The following SLC4A5 variants were observed in gnomAD, a reference collection of about 807,000 sequenced individuals.
The protein encoded by SLC4A5 is solute carrier family 4 member 5.
SLC4A5 carries 96 observed loss-of-function variants against 120.4 expected under a neutral mutation model. The observed-to-expected ratio is 0.80, with a 90% confidence interval of 0.68 to 0.94. The LOEUF (loss-of-function observed/expected upper bound fraction) is 0.94. SLC4A5 is among the 40% of genes least tolerant of loss of function. The probability of loss-of-function intolerance (pLI) is 0.00; values close to 1 mark genes in which losing one functional copy is unlikely to be tolerated. For synonymous variants in SLC4A5, 550 were observed against 571.1 expected, an observed-to-expected ratio of 0.96 and a Z score of 0.53; for missense variants, 1,259 against 1,459.5, an observed-to-expected ratio of 0.86 and a Z score of 2.24.
chr2:74,321,634 A>C (rs1401818424), intron 5 of SLC4A5, among the ~76,000 whole-genome samples: 2 of 152,018 alleles, frequency 1.3e-5, no homozygotes, highest in African/African-American at 4.8e-5. Context: ...TGGGAAAATA[A>C]TATTGAGTCT....
At chr2:74,296,772 G>A (rs1672342932) in intron 7 of SLC4A5, among the ~76,000 whole-genome samples, 1 of 134,260 alleles carries the variant, frequency 7.4e-6, no homozygotes, top group Non-Finnish European at 1.5e-5. Context: ...GGGTGACGGA[G>A]CAAGACTCTG....
Position 74,248,337 on chromosome 2 carries a change from A to C in SLC4A5, c.1787+16T>G, listed in dbSNP as rs1002445454. The C allele has an allele frequency of 1.9e-6, 3 of 1,613,342 alleles. No individual in the cohort carries two copies. Among genetic ancestry groups the C allele is most frequent in the African/African-American group, 2.7e-5 (2 of 74,902 alleles). ...AATGCGAGAGCAGGCACTGGGGGCC[A>C]CCAAGGGACACCTACTTGCTGAAGT... On this transcript the variant is annotated intron_variant, in intron 18 of 30. Transcript: ENST00000394019.
intron 8 of SLC4A5, among the ~76,000 whole-genome samples, chr2:74,277,943 C>CA (rs551781904): frequency 6.6e-6 from 1 of 151,494 alleles, no homozygotes; most frequent in South Asian, 2.1e-4. Context: ...CAAAAGCAAA[C>CA]AAAAAAAGTG....
chr2:74,221,694 T>A (rs1482808998), intron 29 of SLC4A5, among the ~76,000 whole-genome samples, 193 bp from the exon 30 acceptor site: 2 of 152,154 alleles, frequency 1.3e-5, no homozygotes, highest in East Asian at 3.9e-4. Flanking sequence ...CAGCCAGGGC[T>A]AGGGGGTGTG....
intron 8 of SLC4A5, among the ~76,000 whole-genome samples, chr2:74,267,653 C>A (rs564707395): frequency 1.3e-5 from 2 of 152,252 alleles, no homozygotes; most frequent in Admixed American, 6.5e-5. Flanking sequence ...GTTGTTGGGG[C>A]GGGATTTAAG....
intron 8 of SLC4A5, among the ~76,000 whole-genome samples, chr2:74,281,359 A>AT (rs1671808365): frequency 6.6e-6 from 1 of 152,170 alleles, no homozygotes; most frequent in Non-Finnish European, 1.5e-5. Flanking sequence ...AACCCAGGTC[A>AT]TTCTCCTTCC....
chr2:74,220,166 T>A (rs763183607), intron 30 of SLC4A5, among the ~76,000 whole-genome samples: 1 of 152,192 alleles, frequency 6.6e-6, no homozygotes, highest in Non-Finnish European at 1.5e-5. Flanking sequence ...GTAAAGCCTT[T>A]CTTGCCTCTA....
At chr2:74,266,954 A>G (rs1007940648) in intron 8 of SLC4A5, among the ~76,000 whole-genome samples, 1 of 152,216 alleles carries the variant, frequency 6.6e-6, no homozygotes, top group African/African-American at 2.4e-5. Context: ...ACTAATATTT[A>G]TAACAATGCT....
At chr2:74,227,780 T>C in intron 26 of SLC4A5, 30 bp downstream of exon 26, 1 of 1,573,526 alleles carries the variant, frequency 6.4e-7, no homozygotes, top group South Asian at 1.2e-5. Context: ...TGACTCCAGA[T>C]CATGAAGGGA....
intron 18 of SLC4A5, 141 bp from the exon 19 acceptor site, chr2:74,247,448 G>A: frequency 1.2e-6 from 1 of 861,938 alleles, no homozygotes; most frequent in Non-Finnish European, 1.7e-6. Flanking sequence ...CTGGGGACAG[G>A]GACAATTCTT....
At chr2:74,320,246 T>C (rs1024601182) in intron 5 of SLC4A5, among the ~76,000 whole-genome samples, 1 of 152,050 alleles carries the variant, frequency 6.6e-6, no homozygotes, top group Non-Finnish European at 1.5e-5. Context: ...TGAAATAACA[T>C]GAGAATACCT....
At chr2:74,265,958 G>A (rs747703675) in intron 8 of SLC4A5, among the ~76,000 whole-genome samples, 17 of 152,130 alleles carry the variant, frequency 1.1e-4, no homozygotes, top group South Asian at 2.1e-4. Flanking sequence ...AGTCCTGGCC[G>A]GAGACACCTA....
In SLC4A5 at chr2:74,235,036, G is replaced by A. The variant is rs1390361445; in HGVS notation, c.2433+65C>T. The A allele has an allele frequency of 7.8e-6, 10 of 1,286,488 alleles. No individual in the cohort carries two copies. The Admixed American group carries it at 8.8e-5, about 11-fold the overall frequency. 79.7% of individuals were successfully genotyped at this position (1,286,488 alleles called of 1,614,324 possible). A position where few individuals can be genotyped will look rare whatever the true frequency, so the allele number is the denominator to read the frequency against. ...GAGAAGAGAGTTTGATCAGCACAGA[G>A]GGGAAAGAATCTGCAGCTGGTAGGC... On this transcript the variant is annotated intron_variant, in intron 22 of 30. Transcript: ENST00000394019.
rs1671270854 is a variant in SLC4A5, at chr2:74,265,380, T to G, written c.402-116A>C. The G allele has an allele frequency of 3.0e-5, 38 of 1,264,506 alleles. 1 individual carries two copies. The South Asian group carries it at 5.4e-4, about 18-fold the overall frequency. 78.3% of individuals were successfully genotyped at this position (1,264,506 alleles called of 1,614,324 possible). On this transcript the variant is annotated intron_variant, in intron 8 of 30. Transcript: ENST00000394019. ...TCATGCTATGTATGTGGTTGTGGTG[T>G]TGGTCCCAGACTCACAGGCAGAGGA... is the stretch of plus-strand genomic sequence containing the variant.
In SLC4A5 at chr2:74,221,418, A is replaced by G. The variant is rs372899731; in HGVS notation, c.*33+16T>C. On this transcript the variant is annotated intron_variant, in intron 30 of 30. Coordinates refer to ENST00000394019, the Ensembl canonical transcript of SLC4A5. ...CTCTTACCTAATACGCAAGGAGTCT[A>G]CCTAACAGTGTTTACCTTCGGTCAA... is the stretch of plus-strand genomic sequence containing the variant. 23 of 1,587,810 alleles carry G rather than the reference A, an allele frequency of 1.4e-5. 3 individuals are homozygous for G. Among genetic ancestry groups the G allele is most frequent in the Non-Finnish European group, 6.9e-6 (8 of 1,155,940 alleles).
At chr2:74,277,268 G>C (rs559291570) in intron 8 of SLC4A5, among the ~76,000 whole-genome samples, 1 of 152,158 alleles carries the variant, frequency 6.6e-6, no homozygotes, top group African/African-American at 2.4e-5. Context: ...TACTGCTGCC[G>C]GCCAGGAGCA....
At chr2:74,265,307 G>A (rs748904493) in intron 8 of SLC4A5, 43 bp from the exon 9 acceptor site, 5 of 1,596,142 alleles carry the variant, frequency 3.1e-6, no homozygotes, top group East Asian at 4.5e-5. Flanking sequence ...AGGGCCCTCA[G>A]GAGGAGGCCT....
chr2:74,259,596 T>C (rs1671073417), exon 12 of SLC4A5: 12 of 1,614,132 alleles, frequency 7.4e-6, no homozygotes, highest in Non-Finnish European at 1.0e-5. Context: ...ACCTGGTCTG[T>C]GTTTGGGGTG....
chr2:74,222,989 A>G (rs1694708380), intron 28 of SLC4A5, 37 bp from the exon 29 acceptor site: 2 of 1,434,220 alleles, frequency 1.4e-6, no homozygotes. Flanking sequence ...ATAAACACCA[A>G]CACAACAATT....
Sources: allele counts gnomAD v4.1 joint callset (sites outside exome capture counted in the v4.1 genomes callset), GRCh38; gene constraint gnomAD v4.1.1; transcripts MANE v1.5; gene names NCBI Gene and HGNC (gene_info 2026-07-23, HGNC 2026-07-21).